ADGRL2: variants seen among roughly 807,000 people sequenced by gnomAD.
ADGRL2 encodes adhesion G protein-coupled receptor L2.
Under a neutral mutation model 157.4 loss-of-function variants are expected in ADGRL2, and 44 were observed. The observed-to-expected ratio is 0.28, with a 90% CI of 0.22 to 0.36. The LOEUF (loss-of-function observed/expected upper bound fraction) is 0.36, where lower values mean the gene tolerates loss of function less well. Ranked by LOEUF, ADGRL2 falls within the 10% of genes least tolerant of loss-of-function variation. The pLI, the probability that ADGRL2 is intolerant of heterozygous loss-of-function variation, is 1.00. For synonymous variants in ADGRL2, 585 were observed against 624.7 expected (o/e 0.94, Z 0.95); for missense variants, 1,510 against 1,768.9 (o/e 0.85, Z 2.63).
intron 3 of ADGRL2, among the ~76,000 whole-genome samples, chr1:81,612,207 G>A (rs921449398): frequency 6.6e-6 from 1 of 152,188 alleles, no homozygotes; most frequent in Middle Eastern, 3.4e-3. Context: ...GATGCAGCTG[G>A]CCCACACTCT....
intron 2 of ADGRL2, among the ~76,000 whole-genome samples, chr1:81,500,595 A>G (rs1167935595): frequency 6.6e-6 from 1 of 152,210 alleles, no homozygotes; most frequent in Non-Finnish European, 1.5e-5. Context: ...GGTACCTGGA[A>G]TAGTCAAATT....
At chr1:81,808,687 G>C (rs1430410280) in intron 1 of ADGRL2, among the ~76,000 whole-genome samples, 3 of 152,088 alleles carry the variant, frequency 2.0e-5, no homozygotes, top group East Asian at 3.9e-4. Context: ...GTTATTATCA[G>C]CGACCAAAAT....
At chr1:81,487,517 C>A (rs913783189) in intron 2 of ADGRL2, among the ~76,000 whole-genome samples, 1 of 151,660 alleles carries the variant, frequency 6.6e-6, no homozygotes, top group Non-Finnish European at 1.5e-5. Flanking sequence ...TGATGGTGGG[C>A]GCATATAATC....
rs958208948 is a variant in ADGRL2, at chr1:81,822,621, T to C, written c.-100-14264T>C. ...TCAGACTTCTAGGCTCTAGCTATCC[T>C]CCCGCCTCTGCCTCTTGAGTATCTA... On this transcript the variant is annotated intron_variant, in intron 1 of 23. Coordinates refer to ENST00000686636, the MANE Select transcript of ADGRL2 (RefSeq NM_001366006.2). Among the ~76,000 whole-genome samples, 6 of 152,214 alleles carry C rather than the reference T, an allele frequency of 3.9e-5. No individual in the cohort carries two copies. In the East Asian group the frequency reaches 9.6e-4, roughly 24 times the overall value.
Position 81,801,061 on chromosome 1 carries a change from TC to T in ADGRL2, c.-107del, listed in dbSNP as rs2088005425. On this transcript the variant is annotated 5_prime_UTR_variant, in exon 1 of 24. Coordinates refer to ENST00000686636, the MANE Select transcript of ADGRL2 (RefSeq NM_001366006.2). ...CCACCGCCACCGCCGTCCGAAGGGC[TC>T]GAGCCCGTAAGTATCCCCTTTCGCT... Among the ~76,000 whole-genome samples the T allele has an allele frequency of 6.6e-6, 1 of 151,712 alleles. No homozygotes were observed. Among genetic ancestry groups the T allele is most frequent in the Non-Finnish European group, 1.5e-5 (1 of 67,894 alleles).
chr1:81,964,181 C>T (rs1341973390), intron 11 of ADGRL2, among the ~76,000 whole-genome samples: 2 of 151,866 alleles, frequency 1.3e-5, no homozygotes, highest in Admixed American at 6.6e-5. Context: ...AAGTAAATTT[C>T]TGTTTAATGA....
intron 1 of ADGRL2, among the ~76,000 whole-genome samples, chr1:81,832,517 T>C (rs2092016828): frequency 6.6e-6 from 1 of 152,192 alleles, no homozygotes; most frequent in Admixed American, 6.5e-5. Context: ...TAGAAATATT[T>C]CCTGAGTGTC....
At chr1:81,372,036 C>T (rs1264142805) in intron 1 of ADGRL2, among the ~76,000 whole-genome samples, 1 of 151,966 alleles carries the variant, frequency 6.6e-6, no homozygotes, top group African/African-American at 2.4e-5. Flanking sequence ...GATCTCTGTC[C>T]CGAGACCAGT....
chr1:81,816,435 T>A (rs2090412965), intron 1 of ADGRL2, among the ~76,000 whole-genome samples: 1 of 151,926 alleles, frequency 6.6e-6, no homozygotes, highest in Admixed American at 6.6e-5. Context: ...AATGTTTTCT[T>A]CAGATGTTTT....
At chr1:81,581,521 C>T (rs539973879) in intron 3 of ADGRL2, among the ~76,000 whole-genome samples, 5 of 152,180 alleles carry the variant, frequency 3.3e-5, no homozygotes, top group African/African-American at 4.8e-5. Flanking sequence ...AGCATTAGCT[C>T]GTCTAAATAT....
At chr1:81,910,273 A>ATAATAC (rs1408035940) in intron 3 of ADGRL2, among the ~76,000 whole-genome samples, 16 of 147,788 alleles carry the variant, frequency 1.1e-4, no homozygotes, top group Admixed American at 5.5e-4. Flanking sequence ...AATAATAATA[A>ATAATAC]TACTACAATT....
intron 1 of ADGRL2, among the ~76,000 whole-genome samples, chr1:81,442,389 A>G (rs1197575284): frequency 6.6e-6 from 1 of 152,212 alleles, no homozygotes; most frequent in Non-Finnish European, 1.5e-5. Context: ...ATTACACAAT[A>G]AAATGTTCAC....
At chr1:81,374,765 G>A (rs181829116) in intron 1 of ADGRL2, among the ~76,000 whole-genome samples, 9 of 152,046 alleles carry the variant, frequency 5.9e-5, no homozygotes, top group African/African-American at 9.6e-5. Context: ...CATATCCCTC[G>A]GAACAATTTA....
At chr1:81,395,619 G>A (rs1414957478) in intron 1 of ADGRL2, among the ~76,000 whole-genome samples, 1 of 152,076 alleles carries the variant, frequency 6.6e-6, no homozygotes, top group Non-Finnish European at 1.5e-5. Context: ...CTTTGTCCAG[G>A]CCAATGTCCT....
At chr1:81,644,910 C>A (rs954502540) in intron 3 of ADGRL2, among the ~76,000 whole-genome samples, 1 of 152,106 alleles carries the variant, frequency 6.6e-6, no homozygotes, top group Non-Finnish European at 1.5e-5. Flanking sequence ...CACTTAGACC[C>A]CTTGTAGCTC....
chr1:81,624,365 G>A (rs1225642674), intron 3 of ADGRL2, among the ~76,000 whole-genome samples: 1 of 152,054 alleles, frequency 6.6e-6, no homozygotes, highest in Non-Finnish European at 1.5e-5. Context: ...CAGATCACTT[G>A]AGGCCAGGAG....
chr1:81,984,281 T>C, intron 19 of ADGRL2: 1 of 181,954 alleles, frequency 5.5e-6, no homozygotes, highest in Non-Finnish European at 1.1e-5. Flanking sequence ...AGAATAAAAC[T>C]ATAAATATAT....
chr1:81,507,589 C>T (rs1307542198), intron 2 of ADGRL2, among the ~76,000 whole-genome samples: 1 of 152,112 alleles, frequency 6.6e-6, no homozygotes, highest in Non-Finnish European at 1.5e-5. Flanking sequence ...GGAAGCAGAG[C>T]AAGGGAGCGG....
At chr1:81,911,501 A>G (rs1572075346) in intron 3 of ADGRL2, among the ~76,000 whole-genome samples, 1 of 152,150 alleles carries the variant, frequency 6.6e-6, no homozygotes, top group Non-Finnish European at 1.5e-5. Context: ...GATACACTGG[A>G]TTATACCTGA....
Sources: gnomAD v4.1 joint callset for allele counts (sites outside exome capture counted in the v4.1 genomes callset) on GRCh38, gnomAD v4.1.1 for gene constraint, MANE v1.5 for transcripts, NCBI Gene and HGNC (gene_info 2026-07-23, HGNC 2026-07-21) for gene names.